YAP1: variants seen among roughly 807,000 people sequenced by gnomAD.
The protein encoded by YAP1 is transcriptional coactivator YAP1.
YAP1 carries 5 observed loss-of-function variants against 56.9 expected under a neutral mutation model. The observed-to-expected ratio is 0.09, with a 90% CI of 0.05 to 0.18. The LOEUF is 0.18. Ranked by LOEUF, YAP1 falls within the 10% of genes least tolerant of loss-of-function variation. YAP1 has a pLI of 1.00. For synonymous variants in YAP1, 265 were observed against 248.1 expected (o/e 1.07, Z -0.64); for missense variants, 539 against 651.8 (o/e 0.83, Z 1.88).
At chr11:102,144,612 G>A (rs1945210561) in intron 2 of YAP1, among the ~76,000 whole-genome samples, 1 of 152,110 alleles carries the variant, frequency 6.6e-6, no homozygotes, top group Admixed American at 6.6e-5. Context: ...TGTCTGAGTT[G>A]TGTGCTTGTA....
chr11:102,224,075 A>C (rs1436977895), intron 7 of YAP1, among the ~76,000 whole-genome samples: 1 of 152,240 alleles, frequency 6.6e-6, no homozygotes, highest in East Asian at 1.9e-4. Flanking sequence ...TGTGAAAGCA[A>C]ATGAATTTCA....
At chr11:102,198,566 A>G (rs1328247320) in intron 4 of YAP1, among the ~76,000 whole-genome samples, 3 of 152,194 alleles carry the variant, frequency 2.0e-5, no homozygotes, top group Non-Finnish European at 2.9e-5. Context: ...TTTGAAATCA[A>G]TCATGTTTTA....
intron 1 of YAP1, 53 bp downstream of exon 1, chr11:102,111,222 G>A (rs1259428639): frequency 4.4e-6 from 7 of 1,598,994 alleles, no homozygotes; most frequent in Non-Finnish European, 5.1e-6. Flanking sequence ...CTCAGACCGG[G>A]GGGGCGCTCG....
At chr11:102,140,665 A>T (rs757746297) in intron 2 of YAP1, among the ~76,000 whole-genome samples, 7 of 152,140 alleles carry the variant, frequency 4.6e-5, no homozygotes, top group South Asian at 4.1e-4. Flanking sequence ...CAACATGGTG[A>T]AACCCTGTCT....
chr11:102,161,053 C>CTTTTTTTTTTTTTTT (rs67023819), intron 2 of YAP1, among the ~76,000 whole-genome samples: 1 of 75,492 alleles, frequency 1.3e-5, no homozygotes, highest in African/African-American at 5.6e-5. Flanking sequence ...TAATTTCTTT[C>CTTTTTTTTTTTTTTT]TTTTTTTTTT....
chr11:102,211,375 G>A (rs963309609), intron 6 of YAP1, among the ~76,000 whole-genome samples: 15 of 152,240 alleles, frequency 9.9e-5, no homozygotes, highest in African/African-American at 2.6e-4. Flanking sequence ...TCTAAGATAC[G>A]AAGATTAGAG....
chr11:102,223,278 AT>A (rs201098147), intron 6 of YAP1, among the ~76,000 whole-genome samples: 5 of 150,288 alleles, frequency 3.3e-5, no homozygotes, highest in African/African-American at 4.9e-5. Context: ...AAAAAGAAGA[AT>A]TTTTTTTTAA....
rs139349308 is a variant in YAP1 at position 102,128,294 on chromosome 11, C to T, written c.572+13900C>T. On this transcript the variant is annotated intron_variant, in intron 2 of 8. Transcript: ENST00000282441. ...CCCACGTGTTGTGGGAGGGACTCGG[C>T]GGGGGGTAATTGAATTATGGGGTCT... 3.4e-3 allele frequency among the ~76,000 whole-genome samples: 520 copies of T among 152,154 alleles called. 5 individuals are homozygous for T. The highest frequency in any genetic ancestry group is 0.011 in the African/African-American group (472 of 41,502).
chr11:102,120,332 A>T (rs1943572335), intron 2 of YAP1, among the ~76,000 whole-genome samples: 1 of 152,222 alleles, frequency 6.6e-6, no homozygotes, highest in African/African-American at 2.4e-5. Flanking sequence ...GTCAGTATTT[A>T]ATCCTCATTT....
At position 102,111,207 on chromosome 11, in the gene YAP1, C is replaced by T. The variant is rs764953129; in HGVS notation, c.321+38C>T. 2.6e-5 allele frequency: 42 copies of T among 1,606,344 alleles called. No individual in the cohort carries two copies. In the South Asian group the frequency reaches 4.1e-4, roughly 16 times the overall value. On this transcript the variant is annotated intron_variant, in intron 1 of 8. Coordinates refer to ENST00000282441, the MANE Select transcript of YAP1 (RefSeq NM_001130145.3). ...CCCCTCTCCCCGTTTCCCCGTCGGG[C>T]GGGCCTCAGACCGGGGGGGCGCTCG...
At chr11:102,174,495 C>T (rs1213817174) in intron 3 of YAP1, among the ~76,000 whole-genome samples, 3 of 151,990 alleles carry the variant, frequency 2.0e-5, no homozygotes, top group Non-Finnish European at 4.4e-5. Context: ...ATCGCTTGAA[C>T]CCAGGAGGCA....
chr11:102,159,441 G>A (rs1946142404), intron 2 of YAP1, among the ~76,000 whole-genome samples: 1 of 152,148 alleles, frequency 6.6e-6, no homozygotes, highest in South Asian at 2.1e-4. Flanking sequence ...TCTACCTACT[G>A]CATCTCTTCA....
intron 3 of YAP1, among the ~76,000 whole-genome samples, chr11:102,167,084 C>T (rs950613552): frequency 1.1e-4 from 16 of 152,166 alleles, no homozygotes; most frequent in African/African-American, 3.4e-4. Flanking sequence ...GTAGATACTA[C>T]ATATAGCCTA....
At chr11:102,220,864 G>T (rs544368587) in intron 6 of YAP1, among the ~76,000 whole-genome samples, 12 of 152,176 alleles carry the variant, frequency 7.9e-5, no homozygotes, top group African/African-American at 2.9e-4. Context: ...AGGCGATCCC[G>T]GCATTTCAAC....
At chr11:102,200,939 G>A (rs543901648) in intron 4 of YAP1, among the ~76,000 whole-genome samples, 4 of 152,174 alleles carry the variant, frequency 2.6e-5, no homozygotes, top group African/African-American at 9.6e-5. Context: ...GTCCTTGGGG[G>A]CAAAAAAGCA....
At chr11:102,127,714 T>C (rs1442744096) in intron 2 of YAP1, among the ~76,000 whole-genome samples, 1 of 152,118 alleles carries the variant, frequency 6.6e-6, no homozygotes, top group Non-Finnish European at 1.5e-5. Flanking sequence ...CCCAGAATGG[T>C]AGATCCACTG....
At chr11:102,209,833 C>T (rs959914221) in intron 6 of YAP1, among the ~76,000 whole-genome samples, 10 of 152,034 alleles carry the variant, frequency 6.6e-5, no homozygotes, top group East Asian at 3.9e-4. Flanking sequence ...TGTATTGTGT[C>T]TCAGTTGTAC....
At chr11:102,206,152 A>AAAT in intron 5 of YAP1, 78 bp downstream of exon 5, 1 of 1,512,470 alleles carries the variant, frequency 6.6e-7, no homozygotes, top group African/African-American at 1.4e-5. Flanking sequence ...TCATTTTAAC[A>AAAT]TTTATTAGTT....
intron 6 of YAP1, among the ~76,000 whole-genome samples, chr11:102,222,284 A>G (rs1036688894): frequency 6.6e-6 from 1 of 152,230 alleles, no homozygotes; most frequent in Non-Finnish European, 1.5e-5. Flanking sequence ...ATGTATTTCA[A>G]ATCAAACCCA....
Sources: gnomAD v4.1 joint callset for allele counts (sites outside exome capture counted in the v4.1 genomes callset) on GRCh38, gnomAD v4.1.1 for gene constraint, MANE v1.5 for transcripts, NCBI Gene and HGNC (gene_info 2026-07-23, HGNC 2026-07-21) for gene names.